Variants in FNBP1 observed in about 807,000 individuals in gnomAD.
The protein encoded by FNBP1 is formin binding protein 1, also known as formin-binding protein 1.
In FNBP1, 26 loss-of-function variants were observed where a neutral mutation model predicts 90.6. The observed-to-expected ratio is 0.29, with a 90% confidence interval of 0.21 to 0.40. The LOEUF is 0.40. FNBP1 is among the 10% of genes least tolerant of loss of function. The pLI is 1.00. For missense variants in FNBP1, 635 were observed against 768.0 expected (o/e 0.83, Z 2.05); for synonymous variants, 260 against 265.2 (o/e 0.98, Z 0.19).
At chr9:129,987,455 G>A (rs2131121944) in intron 2 of FNBP1, among the ~76,000 whole-genome samples, 1 of 152,086 alleles carries the variant, frequency 6.6e-6, no homozygotes, top group South Asian at 2.1e-4. Context: ...TGAGTCAATT[G>A]AGCCTGTTTA....
chr9:129,928,412 A>G (rs1350429369), intron 7 of FNBP1, among the ~76,000 whole-genome samples: 1 of 152,218 alleles, frequency 6.6e-6, no homozygotes, highest in Admixed American at 6.5e-5. Flanking sequence ...TAATCCCAGC[A>G]CTTTGGGAGG....
intron 1 of FNBP1, among the ~76,000 whole-genome samples, chr9:130,025,742 G>A (rs2058280967): frequency 6.6e-6 from 1 of 152,120 alleles, no homozygotes; most frequent in Admixed American, 6.6e-5. Flanking sequence ...TGGCCAACAC[G>A]GTGAAACCCT....
At chr9:130,004,809 TA>T (rs2055411738) in intron 1 of FNBP1, among the ~76,000 whole-genome samples, 1 of 152,194 alleles carries the variant, frequency 6.6e-6, no homozygotes, top group African/African-American at 2.4e-5. Context: ...CTCACGCCTG[TA>T]ATCCCAGCAC....
intron 6 of FNBP1, among the ~76,000 whole-genome samples, chr9:129,955,888 T>A (rs920899890): frequency 6.6e-6 from 1 of 151,614 alleles, no homozygotes; most frequent in East Asian, 1.9e-4. Context: ...ATACACTGAT[T>A]TGCCTCATTC....
chr9:130,018,948 G>A (rs748357827), intron 1 of FNBP1, among the ~76,000 whole-genome samples: 7 of 152,046 alleles, frequency 4.6e-5, no homozygotes, highest in Non-Finnish European at 7.4e-5. Flanking sequence ...ATTAGGGCTG[G>A]GCACAGAGAC....
chr9:129,994,388 GA>G (rs1195267517), intron 2 of FNBP1, among the ~76,000 whole-genome samples: 2 of 152,178 alleles, frequency 1.3e-5, no homozygotes, highest in Non-Finnish European at 2.9e-5. Context: ...TAGAAGTCAG[GA>G]GAGTGGTTAC....
At chr9:129,901,230 A>T (rs1224945205) in intron 13 of FNBP1, among the ~76,000 whole-genome samples, 1 of 152,028 alleles carries the variant, frequency 6.6e-6, no homozygotes, top group Non-Finnish European at 1.5e-5. Context: ...ACATGGTGAA[A>T]CGCTGTCTCT....
intron 1 of FNBP1, among the ~76,000 whole-genome samples, chr9:130,018,967 G>C (rs1046031118): frequency 6.6e-6 from 1 of 152,236 alleles, no homozygotes; most frequent in Non-Finnish European, 1.5e-5. Context: ...ACTCACGCCT[G>C]TAATCCCAGC....
chr9:130,047,481 C>T (rs746467425), upstream of FNBP1, among the ~76,000 whole-genome samples: 6 of 152,046 alleles, frequency 3.9e-5, no homozygotes, highest in South Asian at 2.1e-4. Context: ...GGCATGGTGG[C>T]GCACGCCTGT....
At position 129,924,015 on chromosome 9, in the gene FNBP1, A is replaced by G. The variant is rs1309077263; in HGVS notation, c.999T>C (p.Leu333=). 7 of 1,516,766 alleles carry G rather than the reference A, an allele frequency of 4.6e-6. No individual in the cohort carries two copies. Among genetic ancestry groups the G allele is most frequent in the Admixed American group, 4.8e-5 (2 of 41,720 alleles). The allele number at this position is 1,516,766 out of a possible 1,614,324, so 94.0% of individuals were successfully genotyped here. The part of the protein sequence containing the change: ...PFIKKNKLMS[L]LTSPHQPPPP... ...GGGGAGGCTGATGGGGGGATGTTAA[A>G]AGGGACATAAGCTACATGTAAGAGA... Residue 333 remains leucine (L), a synonymous_variant, in exon 10 of 17, where the codon CTT becomes CTC. Transcript: ENST00000446176.
chr9:129,959,086 G>A (rs1372049043), intron 4 of FNBP1, among the ~76,000 whole-genome samples: 1 of 149,982 alleles, frequency 6.7e-6, no homozygotes, highest in Non-Finnish European at 1.5e-5. Context: ...CACTTGGGGG[G>A]AAAAAAAGCA....
intron 2 of FNBP1, 24 bp downstream of exon 2, chr9:129,994,815 CAAAT>C (rs770138386): frequency 1.9e-6 from 2 of 1,056,626 alleles, no homozygotes; most frequent in East Asian, 4.8e-5. Context: ...TTGCAGTTAA[CAAAT>C]AACCTTTTTC....
At chr9:129,909,038 A>G in intron 11 of FNBP1, 39 bp from the exon 12 acceptor site, 4 of 1,442,226 alleles carry the variant, frequency 2.8e-6, no homozygotes, top group Non-Finnish European at 3.9e-6. Flanking sequence ...AGAAAGCCCC[A>G]GGCTTTCCTT....
chr9:129,891,175 G>A (rs945521058), intron 16 of FNBP1, among the ~76,000 whole-genome samples: 1 of 148,256 alleles, frequency 6.7e-6, no homozygotes, highest in Non-Finnish European at 1.5e-5. Context: ...AAAAGGAAAC[G>A]GAGGTTGGGT....
chr9:129,962,251 C>G (rs557666761), intron 4 of FNBP1, among the ~76,000 whole-genome samples: 1 of 152,342 alleles, frequency 6.6e-6, no homozygotes, highest in East Asian at 1.9e-4. Context: ...CATCAGCTCC[C>G]CACTGTGACT....
intron 6 of FNBP1, among the ~76,000 whole-genome samples, chr9:129,945,932 C>T (rs2045205649): frequency 6.6e-6 from 1 of 152,142 alleles, no homozygotes; most frequent in Non-Finnish European, 1.5e-5. Context: ...CTGTGGGAGG[C>T]CAAGGCAGAC....
chr9:129,907,014 G>A (rs568369206), intron 12 of FNBP1, among the ~76,000 whole-genome samples: 5 of 152,002 alleles, frequency 3.3e-5, no homozygotes, highest in African/African-American at 9.6e-5. Flanking sequence ...TCCTGACCTC[G>A]TGATCCGCCC....
intron 1 of FNBP1, among the ~76,000 whole-genome samples, chr9:130,027,389 T>G (rs1032474115): frequency 1.6e-4 from 24 of 152,194 alleles, no homozygotes; most frequent in African/African-American, 5.8e-4. Flanking sequence ...ACTTTTAAAT[T>G]TCATATTCTA....
Position 129,966,105 on chromosome 9 carries a change from G to C in FNBP1, c.346-7552C>G, listed in dbSNP as rs2048596947. 6.6e-6 allele frequency among the ~76,000 whole-genome samples: 1 copy of C among 152,148 alleles called. No individual in the cohort carries two copies. Among genetic ancestry groups the C allele is most frequent in the African/African-American group, 2.4e-5 (1 of 41,422 alleles). Reference sequence around the variant, plus strand: ...TCCCCTGTCCCAGTGAAACTGAGTGGATCCAGAAGTAAGACAAACAGGGTA... The same window carrying C: ...TCCCCTGTCCCAGTGAAACTGAGTGCATCCAGAAGTAAGACAAACAGGGTA... On this transcript the variant is annotated intron_variant, in intron 4 of 16. Transcript: ENST00000446176. The surrounding 1 kb of genome is among the most constrained non-coding windows in gnomAD (Gnocchi z 4.3).
Sources: allele counts gnomAD v4.1 joint callset (sites outside exome capture counted in the v4.1 genomes callset), GRCh38; gene constraint gnomAD v4.1.1; non-coding constraint Gnocchi (gnomAD v3.1); transcripts MANE v1.5; gene names NCBI Gene and HGNC (gene_info 2026-07-23, HGNC 2026-07-21).